Variants in PACRG observed in about 807,000 individuals in gnomAD.
The protein encoded by PACRG is parkin coregulated gene protein.
A neutral mutation model predicts 29.7 loss-of-function variants in PACRG; 29 were observed. That is an observed-to-expected ratio of 0.98 (90% CI 0.73 to 1.33). The LOEUF (loss-of-function observed/expected upper bound fraction) is 1.33, where lower values mean the gene tolerates loss of function less well. Ranked by LOEUF, PACRG falls within the 40% of genes most tolerant of loss-of-function variation. The pLI is 0.00. For synonymous variants in PACRG, 116 were observed against 118.7 expected (o/e 0.98, Z 0.15); for missense variants, 279 against 316.2 (o/e 0.88, Z 0.89).
chr6:163,144,102 G>T lies in PACRG; in HGVS notation c.613+54694G>T, dbSNP rs1777680907. ...AAATTAGCCAGGTGTGGTGGTGCAT[G>T]CCTATAATCCCAGCTACATGGGAGT... On this transcript the variant is annotated intron_variant, in intron 4 of 4. Transcript: ENST00000366888. Among the ~76,000 whole-genome samples the T allele has an allele frequency of 2.0e-5, 3 of 151,792 alleles. No homozygotes were observed. In the South Asian group the frequency reaches 6.2e-4, roughly 32 times the overall value.
At chr6:162,989,662 G>C (rs1803243301) in intron 2 of PACRG, among the ~76,000 whole-genome samples, 1 of 150,704 alleles carries the variant, frequency 6.6e-6, no homozygotes, top group South Asian at 2.1e-4. Flanking sequence ...TTCAATCCTT[G>C]GATTGAATCC....
intron 4 of PACRG, among the ~76,000 whole-genome samples, chr6:163,213,960 C>T (rs541226364): frequency 5.9e-4 from 90 of 152,240 alleles, no homozygotes; most frequent in Non-Finnish European, 1.1e-3. Context: ...CTCTTTTTCC[C>T]ACCTTTGAAA....
chr6:163,312,742 A>G (rs767138438), intron 4 of PACRG: 1 of 427,200 alleles, frequency 2.3e-6, no homozygotes, highest in Non-Finnish European at 4.6e-6. Context: ...TTTATCTGAT[A>G]TATTCTTTTT....
chr6:162,773,443 C>T (rs948622797), intron 1 of PACRG, among the ~76,000 whole-genome samples: 2 of 141,360 alleles, frequency 1.4e-5, no homozygotes, highest in Non-Finnish European at 3.0e-5. Context: ...TTAGTATTTA[C>T]ATCATGGAAG....
intron 4 of PACRG, among the ~76,000 whole-genome samples, chr6:163,153,150 T>TA (rs1440546229): frequency 6.6e-6 from 1 of 152,192 alleles, no homozygotes; most frequent in African/African-American, 2.4e-5. Context: ...TGGTTGGTTT[T>TA]AAAAAAAGAA....
intron 3 of PACRG, among the ~76,000 whole-genome samples, chr6:163,083,809 G>T (rs77895279): frequency 0.032 from 4,926 of 151,716 alleles, 279 homozygotes; most frequent in African/African-American, 0.11. Flanking sequence ...CTTTTGTTTG[G>T]TGTTTCTTGT....
intron 2 of PACRG, among the ~76,000 whole-genome samples, chr6:162,934,055 G>A (rs1798060787): frequency 6.6e-6 from 1 of 152,134 alleles, no homozygotes; most frequent in Non-Finnish European, 1.5e-5. Context: ...CCTGATGTCA[G>A]GAGTTCAAGA....
At chr6:162,900,859 C>G (rs755738774) in intron 2 of PACRG, among the ~76,000 whole-genome samples, 28 of 152,136 alleles carry the variant, frequency 1.8e-4, no homozygotes, top group Non-Finnish European at 3.5e-4. Flanking sequence ...TTCCTCAGTT[C>G]TATTACCTTG....
intron 1 of PACRG, among the ~76,000 whole-genome samples, chr6:162,728,779 A>G (rs1779497806): frequency 1.3e-5 from 2 of 152,220 alleles, no homozygotes; most frequent in Non-Finnish European, 2.9e-5. Flanking sequence ...AAAATTTAAC[A>G]TGAGCTGATA....
intron 1 of PACRG, among the ~76,000 whole-genome samples, chr6:162,798,613 A>G (rs1164540248): frequency 2.0e-5 from 3 of 152,218 alleles, no homozygotes; most frequent in Admixed American, 2.0e-4. Flanking sequence ...TGTTCACACT[A>G]GAAATTATAT....
intron 4 of PACRG, among the ~76,000 whole-genome samples, chr6:163,294,148 T>G (rs1303889652): frequency 6.6e-6 from 1 of 152,186 alleles, no homozygotes; most frequent in Non-Finnish European, 1.5e-5. Flanking sequence ...ATGAGGAAAT[T>G]GTACTTCTTT....
intron 2 of PACRG, among the ~76,000 whole-genome samples, chr6:163,006,488 G>A (rs1349393080): frequency 2.0e-5 from 3 of 151,562 alleles, no homozygotes; most frequent in Admixed American, 2.0e-4. Flanking sequence ...TTTTCTATAT[G>A]TTTACTGATT....
intron 2 of PACRG, among the ~76,000 whole-genome samples, chr6:162,820,318 A>G (rs1296899972): frequency 7.3e-6 from 1 of 137,138 alleles, no homozygotes; most frequent in Non-Finnish European, 1.5e-5. Flanking sequence ...AGTTCTTTTT[A>G]TTTCTCAGCA....
At chr6:163,099,613 T>C (rs774572509) in intron 4 of PACRG, among the ~76,000 whole-genome samples, 2 of 152,244 alleles carry the variant, frequency 1.3e-5, no homozygotes, top group Admixed American at 1.3e-4. Context: ...TTTTCCTTTA[T>C]ATGCAAATCT....
chr6:163,291,263 A>T (rs2014416), intron 4 of PACRG, among the ~76,000 whole-genome samples: 240 of 113,348 alleles, frequency 2.1e-3, no homozygotes, highest in African/African-American at 9.4e-3. Flanking sequence ...CTGCAAGATG[A>T]CCCCTCTGCC....
chr6:162,944,819 T>G (rs576168152), intron 2 of PACRG, among the ~76,000 whole-genome samples: 94 of 152,104 alleles, frequency 6.2e-4, no homozygotes, highest in African/African-American at 2.2e-3. Context: ...AAGGACTTTC[T>G]GACATATAAG....
At position 162,810,328 on chromosome 6, in the gene PACRG, T is replaced by A. The variant is rs187060286; in HGVS notation, c.157-3819T>A. Among the ~76,000 whole-genome samples the A allele has an allele frequency of 2.7e-3, 417 of 152,256 alleles. 1 individual carries two copies. The highest frequency in any genetic ancestry group is 9.6e-3 in the African/African-American group (397 of 41,554). On this transcript the variant is annotated intron_variant, in intron 1 of 4. Transcript: ENST00000366888. ...AACCTTTGCCAGAGAAATGTCAGAATAAGCAAGCTAAAACGGAAGCTTTAA... is the reference window on the plus strand; with the variant it reads ...AACCTTTGCCAGAGAAATGTCAGAAAAAGCAAGCTAAAACGGAAGCTTTAA...
At chr6:163,285,940 A>T (rs1360095933) in intron 4 of PACRG, among the ~76,000 whole-genome samples, 1 of 151,344 alleles carries the variant, frequency 6.6e-6, no homozygotes, top group Non-Finnish European at 1.5e-5. Context: ...TCCCTTCATG[A>T]CAGAGGCTCC....
At chr6:163,297,907 A>T (rs886274105) in intron 4 of PACRG, among the ~76,000 whole-genome samples, 8 of 152,088 alleles carry the variant, frequency 5.3e-5, no homozygotes, top group African/African-American at 1.9e-4. Context: ...TATGACCATC[A>T]ATTCAGCTTC....
Sources: allele counts gnomAD v4.1 joint callset (sites outside exome capture counted in the v4.1 genomes callset), GRCh38; gene constraint gnomAD v4.1.1; transcripts MANE v1.5; gene names NCBI Gene and HGNC (gene_info 2026-07-23, HGNC 2026-07-21).